Variants in NUCB2 observed in about 807,000 individuals in gnomAD.
The protein encoded by NUCB2 is nucleobindin 2, also known as nucleobindin-2.
NUCB2 carries 48 observed loss-of-function variants against 57.9 expected under a neutral mutation model. That is an observed-to-expected ratio of 0.83 (90% CI 0.66 to 1.05). NUCB2 has a LOEUF of 1.05. NUCB2 is among the 50% of genes least tolerant of loss of function. The probability of loss-of-function intolerance (pLI) is 0.00; values close to 1 mark genes in which losing one functional copy is unlikely to be tolerated. For synonymous variants in NUCB2, 139 were observed against 152.1 expected (o/e 0.91, Z 0.64); for missense variants, 442 against 476.2 (o/e 0.93, Z 0.67).
chr11:17,301,956 G>A (rs866269586), intron 5 of NUCB2, 86 bp downstream of exon 5: 3 of 1,135,532 alleles, frequency 2.6e-6, no homozygotes, highest in African/African-American at 3.1e-5. Context: ...CTGGAGTGCA[G>A]TGGCACAATC....
Position 17,330,169 on chromosome 11 carries a change from G to T in NUCB2, c.1045G>T (p.Glu349Ter), listed in dbSNP as rs1019715538. 1.3e-6 allele frequency: 2 copies of T among 1,578,780 alleles called. No homozygotes were observed. The highest frequency in any genetic ancestry group is 1.7e-6 in the Non-Finnish European group (2 of 1,153,588). The change falls in exon 12 of 14, where the codon GAA (glutamate) becomes TAA (stop). Residue 349 changes from glutamate (E) to a stop codon, truncating the protein, a stop_gained. Transcript: ENST00000529010. LOFTEE classifies it high-confidence loss of function. The surrounding 1 kb of genome is among the most constrained non-coding windows in gnomAD (Gnocchi z 4.3). The part of the protein sequence containing the change: ...QQFFTEEELK[E>*]YENIIALQEN... ...GTTCTTCACAGAGGAAGAACTAAAA[G>T]AATATGAAAATATTATTGCTTTACA...
intron 2 of NUCB2, among the ~76,000 whole-genome samples, chr11:17,288,552 C>CTTTTTTTTTTTTTTTTTTTTTTT (rs1362783048): frequency 3.0e-5 from 3 of 101,190 alleles, no homozygotes; most frequent in East Asian, 3.9e-4. Flanking sequence ...TCTTCTTCTT[C>CTTTTTTTTTTTTTTTTTTTTTTT]TTTTTTTTTT....
At chr11:17,321,686 A>T (rs1443774608) in intron 11 of NUCB2, among the ~76,000 whole-genome samples, 1 of 152,164 alleles carries the variant, frequency 6.6e-6, no homozygotes, top group African/African-American at 2.4e-5. Context: ...ACTGTTCTCC[A>T]TAGTGGTTGT....
intron 11 of NUCB2, among the ~76,000 whole-genome samples, chr11:17,327,161 A>G (rs1408154748): frequency 2.0e-5 from 3 of 152,006 alleles, no homozygotes; most frequent in African/African-American, 7.3e-5. Context: ...CTCAGGTTCA[A>G]GTGATTCTTG....
intron 11 of NUCB2, among the ~76,000 whole-genome samples, chr11:17,327,217 C>G (rs1022014318): frequency 6.6e-6 from 1 of 152,136 alleles, no homozygotes; most frequent in African/African-American, 2.4e-5. Flanking sequence ...TGTGCCATCA[C>G]ATCTGGCTGA....
chr11:17,302,659 C>A (rs1946935927), intron 5 of NUCB2, among the ~76,000 whole-genome samples: 1 of 152,064 alleles, frequency 6.6e-6, no homozygotes, highest in Admixed American at 6.5e-5. Flanking sequence ...CAGCCTTGAA[C>A]TCCTAGGGCT....
chr11:17,302,649 C>T (rs1946932747), intron 5 of NUCB2, among the ~76,000 whole-genome samples: 1 of 152,042 alleles, frequency 6.6e-6, no homozygotes, highest in African/African-American at 2.4e-5. Context: ...TAGCTCACTG[C>T]AGCCTTGAAC....
rs3842269 is a variant in NUCB2, at chr11:17,330,930, TACA to T, written c.1207_1209del (p.Gln403del). The T allele has an allele frequency of 0.27, 429,878 of 1,605,048 alleles. 61,917 individuals are homozygous for T. The highest frequency in any genetic ancestry group is 0.49 in the East Asian group (21,883 of 44,612). On this transcript the variant is annotated inframe_deletion, in exon 13 of 14. Coordinates refer to ENST00000529010, the MANE Select transcript of NUCB2 (RefSeq NM_005013.4). The surrounding 1 kb of genome is among the most constrained non-coding windows in gnomAD (Gnocchi z 4.3). Reference sequence around the variant, plus strand: ...ATACAGCAGATGGAACAAAAAAAATTACAACAAGGAATTCCTCCATCAGGGCCA... The same window carrying T: ...ATACAGCAGATGGAACAAAAAAAATTACAAGGAATTCCTCCATCAGGGCCA...
chr11:17,286,554 T>A (rs184098416), intron 2 of NUCB2: 1 of 152,314 alleles, frequency 6.6e-6, no homozygotes, highest in East Asian at 1.9e-4. Flanking sequence ...CATCCTACTT[T>A]AGAGAGTAAA....
chr11:17,313,653 T>G (rs953610695), intron 10 of NUCB2, among the ~76,000 whole-genome samples: 12 of 152,226 alleles, frequency 7.9e-5, no homozygotes, highest in African/African-American at 2.9e-4. Flanking sequence ...CTGTTAATTC[T>G]TCACTTTTCC....
At chr11:17,296,519 T>A (rs1945850516) in intron 4 of NUCB2, among the ~76,000 whole-genome samples, 1 of 152,196 alleles carries the variant, frequency 6.6e-6, no homozygotes, top group South Asian at 2.1e-4. Context: ...ATGGATTATA[T>A]GATGAGTATT....
intron 11 of NUCB2, among the ~76,000 whole-genome samples, chr11:17,323,294 G>C (rs1950255490): frequency 6.6e-6 from 1 of 152,098 alleles, no homozygotes; most frequent in East Asian, 1.9e-4. Flanking sequence ...ATGAAGGGAT[G>C]TTGAATTTTT....
intron 6 of NUCB2, 82 bp from the exon 7 acceptor site, chr11:17,310,743 G>A (rs899781025): frequency 3.2e-5 from 34 of 1,070,928 alleles, no homozygotes; most frequent in Non-Finnish European, 4.5e-5. Flanking sequence ...CTGTTCAAGA[G>A]TATGCTATAT....
chr11:17,281,858 T>C (rs959299872), intron 1 of NUCB2, among the ~76,000 whole-genome samples: 10 of 144,122 alleles, frequency 6.9e-5, no homozygotes, highest in African/African-American at 2.5e-4. Context: ...TTTATTTGCT[T>C]TTTTTTTTAA....
chr11:17,335,725 C>A (rs1183677130), downstream of NUCB2, among the ~76,000 whole-genome samples: 1 of 152,182 alleles, frequency 6.6e-6, no homozygotes. Flanking sequence ...TGGCCTTGAA[C>A]TCCTGACCTC....
chr11:17,279,123 C>T (rs1016036745), intron 1 of NUCB2, among the ~76,000 whole-genome samples: 2 of 151,994 alleles, frequency 1.3e-5, no homozygotes, highest in African/African-American at 2.4e-5. Context: ...AACCTGGAGG[C>T]GGAGGTTGCA....
intron 4 of NUCB2, among the ~76,000 whole-genome samples, chr11:17,299,960 C>T (rs1946426325): frequency 6.6e-6 from 1 of 151,820 alleles, no homozygotes; most frequent in Non-Finnish European, 1.5e-5. Flanking sequence ...AATTCATACA[C>T]CATAAAATCT....
At chr11:17,315,510 C>T in intron 11 of NUCB2, 35 bp downstream of exon 11, 2 of 1,254,632 alleles carry the variant, frequency 1.6e-6, no homozygotes, top group East Asian at 2.3e-5. Flanking sequence ...ATGTATGGTT[C>T]AACAAATTCT....
chr11:17,325,694 AG>A (rs1189398721), intron 11 of NUCB2, among the ~76,000 whole-genome samples: 1 of 152,170 alleles, frequency 6.6e-6, no homozygotes, highest in Non-Finnish European at 1.5e-5. Flanking sequence ...ATTGATAAGT[AG>A]GGACTTACTC....
Sources: allele counts gnomAD v4.1 joint callset (sites outside exome capture counted in the v4.1 genomes callset), GRCh38; gene constraint gnomAD v4.1.1; non-coding constraint Gnocchi (gnomAD v3.1); transcripts MANE v1.5; gene names NCBI Gene and HGNC (gene_info 2026-07-23, HGNC 2026-07-21).